The following PALS1 variants were observed in gnomAD, a reference collection of about 807,000 sequenced individuals.
PALS1 encodes the protein protein PALS1.
PALS1 carries 31 observed loss-of-function variants against 78.9 expected under a neutral mutation model. The observed-to-expected ratio is 0.39, with a 90% CI of 0.30 to 0.53. PALS1 has a LOEUF of 0.53. PALS1 is among the 20% of genes least tolerant of loss of function. PALS1 has a pLI of 0.67. For synonymous variants in PALS1, 276 were observed against 270.9 expected (o/e 1.02, Z -0.18); for missense variants, 704 against 826.5 (o/e 0.85, Z 1.82).
chr14:67,324,353 CTTT>C (rs1289438206), intron 14 of PALS1, among the ~76,000 whole-genome samples: 2 of 152,100 alleles, frequency 1.3e-5, no homozygotes, highest in Non-Finnish European at 2.9e-5. Context: ...ACAGCATTGA[CTTT>C]TTATTTAAAT....
chr14:67,287,344 T>G (rs1459901762), intron 3 of PALS1, among the ~76,000 whole-genome samples: 1 of 152,102 alleles, frequency 6.6e-6, no homozygotes, highest in Non-Finnish European at 1.5e-5. Context: ...TAAAAGCCAT[T>G]GTTCTGATAT....
At chr14:67,308,647 G>T (rs553979765) in intron 8 of PALS1, among the ~76,000 whole-genome samples, 1 of 150,302 alleles carries the variant, frequency 6.7e-6, no homozygotes, top group Non-Finnish European at 1.5e-5. Context: ...CTGGGTTCAA[G>T]TGATTCTCCC....
rs1359332938 is a variant in PALS1 at position 67,241,504 on chromosome 14, C to T, written c.-266C>T. On this transcript the variant is annotated 5_prime_UTR_variant, in exon 1 of 15. Transcript: ENST00000261681. ...CTGCAGTGCGTAGGAGCGGCCGGGG[C>T]GGGAGGCTCCGCGGAGCCGAGGCGT... The T allele has an allele frequency of 1.3e-5, 2 of 151,878 alleles. No homozygotes were observed. The highest frequency in any genetic ancestry group is 2.4e-5 in the African/African-American group (1 of 41,000). 9.4% of individuals were successfully genotyped at this position (151,878 alleles called of 1,614,324 possible).
chr14:67,302,305 A>T (rs1360060627), intron 6 of PALS1, 105 bp from the exon 7 acceptor site: 2 of 1,090,602 alleles, frequency 1.8e-6, no homozygotes, highest in African/African-American at 3.3e-5. Flanking sequence ...TCTTAAGATA[A>T]CTGAAGGTTA....
chr14:67,288,539 T>C (rs1379026187), intron 3 of PALS1, among the ~76,000 whole-genome samples: 1 of 152,232 alleles, frequency 6.6e-6, no homozygotes, highest in Non-Finnish European at 1.5e-5. Flanking sequence ...AGTAATTTAA[T>C]TGTCTACTCA....
At chr14:67,247,229 CTT>C (rs1446022295) in intron 1 of PALS1, among the ~76,000 whole-genome samples, 1 of 152,126 alleles carries the variant, frequency 6.6e-6, no homozygotes, top group African/African-American at 2.4e-5. Flanking sequence ...ATATGCAGAT[CTT>C]GCAAATACTT....
Position 67,303,534 on chromosome 14 carries a change from G to C in PALS1, c.976G>C (p.Gly326Arg). Reference sequence around the variant, plus strand: ...CTTTCTATTACAGTCTGATATGCATGGTACTTTGACTTTTGTCCTGATTCC... The same window carrying C: ...CTTTCTATTACAGTCTGATATGCATCGTACTTTGACTTTTGTCCTGATTCC... ...EVFDLLSDMH[G>R]TLTFVLIPSQ... Residue 326 changes from glycine (G) to arginine (R), a missense_variant, in exon 8 of 15, where the codon GGT (glycine) becomes CGT (arginine). Transcript: ENST00000261681. 6.2e-7 allele frequency: 1 copy of C among 1,613,010 alleles called. No homozygotes were observed. Among genetic ancestry groups the C allele is most frequent in the Non-Finnish European group, 8.5e-7 (1 of 1,179,052 alleles).
Position 67,323,784 on chromosome 14 carries a change from T to A in PALS1, c.1823T>A (p.Leu608Ter). The A allele has an allele frequency of 6.3e-7, 1 of 1,591,316 alleles. No individual in the cohort carries two copies. Among genetic ancestry groups the A allele is most frequent in the Non-Finnish European group, 8.6e-7 (1 of 1,168,936 alleles). The change falls in exon 14 of 15, where the codon TTA becomes TAA. Residue 608 changes from leucine (L) to a stop codon, truncating the protein, a stop_gained. Transcript: ENST00000261681. LOFTEE classifies it high-confidence loss of function. ...APPSQERLRA[L>*]LAKEGKNPKP... ...CCTTCACAAGAAAGACTTCGGGCAT[T>A]ATTGGCCAAAGAAGGCAAGAATCCA...
intron 11 of PALS1, among the ~76,000 whole-genome samples, chr14:67,318,533 A>C (rs1239872890): frequency 6.6e-6 from 1 of 152,240 alleles, no homozygotes; most frequent in Non-Finnish European, 1.5e-5. Context: ...CACTGAGTCT[A>C]TAAATTAAAA....
chr14:67,272,821 G>C (rs956212788), intron 2 of PALS1, among the ~76,000 whole-genome samples: 1 of 152,098 alleles, frequency 6.6e-6, no homozygotes, highest in African/African-American at 2.4e-5. Flanking sequence ...ACCATGGCTG[G>C]ATAATTTTTA....
At chr14:67,291,608 A>G (rs2084775356) in intron 3 of PALS1, among the ~76,000 whole-genome samples, 1 of 152,150 alleles carries the variant, frequency 6.6e-6, no homozygotes, top group African/African-American at 2.4e-5. Flanking sequence ...ACCATTTTAG[A>G]ATAACGTTTT....
At chr14:67,275,857 A>T (rs978472183) in intron 2 of PALS1, among the ~76,000 whole-genome samples, 1 of 152,216 alleles carries the variant, frequency 6.6e-6, no homozygotes, top group East Asian at 1.9e-4. Context: ...GGGAGGGTAT[A>T]TGTGTCCAGG....
At position 67,301,455 on chromosome 14, in the gene PALS1, C is replaced by G. The variant is rs1375703560; in HGVS notation, c.643C>G (p.Pro215Ala). Reference sequence around the variant, plus strand: ...AGAACTAACTGCTTTGCTGAATACTCCACATATTCAGGTAGAAAATGGACA... The same window carrying G: ...AGAACTAACTGCTTTGCTGAATACTGCACATATTCAGGTAGAAAATGGACA... ...GQELTALLNT[P>A]HIQALLLAHD... Residue 215 changes from proline to alanine, a missense_variant, in exon 5 of 15, where the codon CCA becomes GCA. By Grantham distance (27) the Pro-to-Ala change is conservative. Transcript: ENST00000261681. 6.2e-7 allele frequency: 1 copy of G among 1,607,362 alleles called. No individual in the cohort carries two copies. Among genetic ancestry groups the G allele is most frequent in the Admixed American group, 1.7e-5 (1 of 59,728 alleles).
chr14:67,279,245 AC>A lies in PALS1; in HGVS notation c.77del (p.Pro26GlnfsTer22). ...AAGTAAAAAATGTTGATCTTGCATC[AC>A]CAGAGGAACATCAGAAGCACCGAGA... The part of the protein sequence containing the change: ...SEVKNVDLAS[P>X]EEHQKHREMA... On this transcript the variant is annotated frameshift_variant, in exon 3 of 15. Coordinates refer to ENST00000261681, the MANE Select transcript of PALS1 (RefSeq NM_022474.4). LOFTEE classifies it high-confidence loss of function. 1 of 1,613,678 alleles carries A rather than the reference AC, an allele frequency of 6.2e-7. No individual in the cohort carries two copies. Among genetic ancestry groups the A allele is most frequent in the Non-Finnish European group, 8.5e-7 (1 of 1,179,892 alleles).
chr14:67,314,263 T>C (rs1416404099), intron 9 of PALS1, among the ~76,000 whole-genome samples: 1 of 152,202 alleles, frequency 6.6e-6, no homozygotes, highest in African/African-American at 2.4e-5. Context: ...GAGGAAGTTG[T>C]CCAAAGATTT....
chr14:67,290,743 C>T (rs550048207), intron 3 of PALS1, among the ~76,000 whole-genome samples: 311 of 152,182 alleles, frequency 2.0e-3, no homozygotes, highest in African/African-American at 7.0e-3. Flanking sequence ...CCATGTTGCC[C>T]AGGCTGGTCT....
intron 14 of PALS1, among the ~76,000 whole-genome samples, chr14:67,331,511 A>G (rs1196307476): frequency 6.6e-6 from 1 of 152,146 alleles, no homozygotes; most frequent in Non-Finnish European, 1.5e-5. Flanking sequence ...TTCTGCTAGT[A>G]TGAAGGCTTG....
intron 14 of PALS1, among the ~76,000 whole-genome samples, chr14:67,332,572 C>T (rs549451571): frequency 1.8e-4 from 28 of 152,150 alleles, no homozygotes; most frequent in African/African-American, 6.5e-4. Context: ...TATATTGAGT[C>T]CCAGATGGTT....
At chr14:67,257,542 T>C (rs1197715935) in intron 1 of PALS1, among the ~76,000 whole-genome samples, 2 of 151,918 alleles carry the variant, frequency 1.3e-5, no homozygotes, top group Non-Finnish European at 2.9e-5. Flanking sequence ...AGAGAGGGAA[T>C]GTACTATGAG....
Sources: gnomAD v4.1 joint callset for allele counts (sites outside exome capture counted in the v4.1 genomes callset) on GRCh38, gnomAD v4.1.1 for gene constraint, MANE v1.5 for transcripts, NCBI Gene and HGNC (gene_info 2026-07-23, HGNC 2026-07-21) for gene names.